Variants in FBP1 observed in about 807,000 individuals in gnomAD.
The protein encoded by FBP1 is fructose-1,6-bisphosphatase 1.
Under a neutral mutation model 29.9 loss-of-function variants are expected in FBP1, and 22 were observed. The observed-to-expected ratio is 0.74, with a 90% CI of 0.53 to 1.05. FBP1 has a LOEUF of 1.05. Among genes scored for constraint, FBP1 ranks in the 50% least tolerant of loss-of-function variants. FBP1 has a pLI of 0.00. For missense variants in FBP1, 345 were observed against 448.2 expected, an observed-to-expected ratio of 0.77 and a Z score of 2.08; for synonymous variants, 175 against 178.6, an observed-to-expected ratio of 0.98 and a Z score of 0.16.
At chr9:94,639,607 C>T (rs1379897307), upstream of FBP1, 3 of 513,740 alleles carry the variant, frequency 5.8e-6, no homozygotes, top group Non-Finnish European at 1.1e-5. Flanking sequence ...GCCTACCCCG[C>T]GGACCAGACC....
At chr9:94,607,137 A>T (rs1827714657) in intron 4 of FBP1, among the ~76,000 whole-genome samples, 185 bp from the exon 5 acceptor site, 1 of 152,150 alleles carries the variant, frequency 6.6e-6, no homozygotes, top group African/African-American at 2.4e-5. Flanking sequence ...AGGGGAAGCA[A>T]GACAATGCTG....
chr9:94,633,183 C>T (rs1183017186), intron 1 of FBP1, among the ~76,000 whole-genome samples: 1 of 152,170 alleles, frequency 6.6e-6, no homozygotes, highest in Non-Finnish European at 1.5e-5. Context: ...ATTTCAGAAA[C>T]TCCCTCACAG....
chr9:94,613,368 G>T lies in FBP1; in HGVS notation c.427-3307C>A, dbSNP rs192789841. Among the ~76,000 whole-genome samples, 305 of 152,306 alleles carry T rather than the reference G, an allele frequency of 2.0e-3. 1 individual carries two copies. Among genetic ancestry groups the T allele is most frequent in the African/African-American group, 7.1e-3 (294 of 41,576 alleles). Reference sequence around the variant, plus strand: ...ATCTTATTTTCTTATGCTCTAAACAGCCAAGTGAGCAAAATGAAACAGATT... The same window carrying T: ...ATCTTATTTTCTTATGCTCTAAACATCCAAGTGAGCAAAATGAAACAGATT... On this transcript the variant is annotated intron_variant, in intron 3 of 6. Transcript: ENST00000375326.
At chr9:94,635,620 T>C (rs530258009) in intron 1 of FBP1, among the ~76,000 whole-genome samples, 114 of 152,320 alleles carry the variant, frequency 7.5e-4, no homozygotes, top group Non-Finnish European at 1.3e-3. Context: ...GGCTTGAGAA[T>C]CATGCTACCT....
intron 1 of FBP1, among the ~76,000 whole-genome samples, chr9:94,633,848 GCGCCCGCCACCA>G (rs1828147712): frequency 6.6e-6 from 1 of 151,806 alleles, no homozygotes; most frequent in South Asian, 2.1e-4. Flanking sequence ...GGGATTACAG[GCGCCCGCCACCA>G]CGCCCGGCTA....
At chr9:94,637,288 A>G (rs1293306225) in intron 1 of FBP1, among the ~76,000 whole-genome samples, 1 of 152,172 alleles carries the variant, frequency 6.6e-6, no homozygotes, top group Non-Finnish European at 1.5e-5. Flanking sequence ...AAGAAAAGGA[A>G]TCTAGATTGC....
chr9:94,611,444 G>A (rs947232144), intron 3 of FBP1, among the ~76,000 whole-genome samples: 8 of 152,032 alleles, frequency 5.3e-5, no homozygotes, highest in Admixed American at 2.6e-4. Flanking sequence ...AGAATCACCT[G>A]GGATATTTAT....
rs28402400 is a variant in FBP1 at position 94,633,069 on chromosome 9, T to C, written c.170+6072A>G. Among the ~76,000 whole-genome samples the C allele has an allele frequency of 8.2e-3, 1,242 of 152,360 alleles. 22 individuals carry two copies. Among genetic ancestry groups the C allele is most frequent in the African/African-American group, 0.029 (1,190 of 41,572 alleles). ...GCGTTTCCAAAATGTTGGGATCATC[T>C]TCCCTCCTTCCCCAGACTAAAAACC... is the stretch of plus-strand genomic sequence containing the variant. On this transcript the variant is annotated intron_variant, in intron 1 of 6. Coordinates refer to ENST00000375326, the MANE Select transcript of FBP1 (RefSeq NM_000507.4).
chr9:94,616,854 T>G (rs1057459250), intron 3 of FBP1, among the ~76,000 whole-genome samples: 1 of 152,168 alleles, frequency 6.6e-6, no homozygotes, highest in African/African-American at 2.4e-5. Context: ...CTTATTCGTA[T>G]AATTGAGCAC....
chr9:94,621,058 CA>C (rs1393518141), intron 1 of FBP1, among the ~76,000 whole-genome samples: 3 of 151,632 alleles, frequency 2.0e-5, no homozygotes, highest in Admixed American at 6.6e-5. Context: ...TTAAAAAATA[CA>C]AAAAAGTAGC....
At position 94,634,293 on chromosome 9, in the gene FBP1, C is replaced by CA. The variant is rs1480502775; in HGVS notation, c.170+4847dup. On this transcript the variant is annotated intron_variant, in intron 1 of 6. Coordinates refer to ENST00000375326, the MANE Select transcript of FBP1 (RefSeq NM_000507.4). The stretch of plus-strand genomic sequence containing the variant: ...AGGGCAACAGAGCGAGACTCTGCCT[C>CA]AAAAAAAAAAAAAAGAAAGAAAAAG... Among the ~76,000 whole-genome samples, 512 of 89,778 alleles carry CA rather than the reference C, an allele frequency of 5.7e-3. 8 individuals are homozygous for CA. Among genetic ancestry groups the CA allele is most frequent in the South Asian group, 0.013 (35 of 2,732 alleles). 58.9% of individuals were successfully genotyped at this position (89,778 alleles called of 152,430 possible).
intron 5 of FBP1, among the ~76,000 whole-genome samples, chr9:94,605,949 C>T (rs1356866127): frequency 2.6e-5 from 4 of 152,074 alleles, no homozygotes; most frequent in Non-Finnish European, 5.9e-5. Context: ...GTGTAATTTA[C>T]AGGAGAGGAA....
At chr9:94,636,081 G>A (rs1386903327) in intron 1 of FBP1, among the ~76,000 whole-genome samples, 5 of 152,076 alleles carry the variant, frequency 3.3e-5, no homozygotes, top group Non-Finnish European at 7.4e-5. Flanking sequence ...TATATGGGGT[G>A]GGTTTCACTC....
At chr9:94,638,998 C>G in intron 1 of FBP1, 143 bp downstream of exon 1, 1 of 859,066 alleles carries the variant, frequency 1.2e-6, no homozygotes, top group Non-Finnish European at 1.9e-6. Context: ...GGCTACCAGA[C>G]AGAGAGCGAG....
In FBP1 at chr9:94,603,436, G is replaced by GA; in HGVS notation, c.961dup (p.Ser321PhefsTer13). The GA allele has an allele frequency of 6.2e-7, 1 of 1,614,030 alleles. No homozygotes were observed. Among genetic ancestry groups the GA allele is most frequent in the South Asian group, 1.1e-5 (1 of 91,046 alleles). ...CAGGAACTCGAGCACGTCGTCGGGGGATCCCAAGATCACCGGCGCCCTCTG... is the reference window on the plus strand; with the variant it reads ...CAGGAACTCGAGCACGTCGTCGGGGGAATCCCAAGATCACCGGCGCCCTCTG... On this transcript the variant is annotated frameshift_variant, in exon 7 of 7. Transcript: ENST00000375326. LOFTEE classifies it high-confidence loss of function.
At chr9:94,616,413 A>AC (rs1161728369) in intron 3 of FBP1, among the ~76,000 whole-genome samples, 1 of 84,312 alleles carries the variant, frequency 1.2e-5, no homozygotes, top group East Asian at 5.7e-4. Context: ...AACTATTTGT[A>AC]CCCCCCAAAG....
chr9:94,619,116 G>A (rs1827904875), intron 2 of FBP1, among the ~76,000 whole-genome samples: 1 of 152,156 alleles, frequency 6.6e-6, no homozygotes, highest in South Asian at 2.1e-4. Flanking sequence ...GACAAGAGAA[G>A]TCCGGCGTGA....
chr9:94,606,759 G>T, intron 5 of FBP1, 56 bp downstream of exon 5: 2 of 1,570,900 alleles, frequency 1.3e-6, no homozygotes, highest in Non-Finnish European at 1.7e-6. Flanking sequence ...CCTCCAGAAC[G>T]GCCTCTGGTG....
Position 94,603,615 on chromosome 9 carries a change from T to C in FBP1, c.826-43A>G, listed in dbSNP as rs745826353. 2.8e-5 allele frequency: 45 copies of C among 1,579,790 alleles called. 1 individual carries two copies. The South Asian group carries it at 5.0e-4, about 17-fold the overall frequency. ...GTAGCGGCCTCCTTGTATCAGAAGG[T>C]ATTGCGTAAAAAAGAGACTTTTCTG... On this transcript the variant is annotated intron_variant, in intron 6 of 6. Transcript: ENST00000375326.
Sources: gnomAD v4.1 joint callset for allele counts (sites outside exome capture counted in the v4.1 genomes callset) on GRCh38, gnomAD v4.1.1 for gene constraint, MANE v1.5 for transcripts, NCBI Gene and HGNC (gene_info 2026-07-23, HGNC 2026-07-21) for gene names.